Variants in SACS observed in about 807,000 individuals in gnomAD.
SACS encodes the protein sacsin molecular chaperone, also known as sacsin.
SACS carries 197 observed loss-of-function variants against 348.0 expected under a neutral mutation model. That is an observed-to-expected ratio of 0.57 (90% CI 0.50 to 0.64). The LOEUF is 0.64. SACS is among the 30% of genes least tolerant of loss of function. The pLI is 0.00. For missense variants in SACS, 4,999 were observed against 5,360.8 expected, an observed-to-expected ratio of 0.93 and a Z score of 2.11; for synonymous variants, 1,985 against 1,910.6, an observed-to-expected ratio of 1.04 and a Z score of -1.02.
intron 2 of SACS, among the ~76,000 whole-genome samples, chr13:23,410,907 G>T (rs1303213489): frequency 1.3e-5 from 2 of 152,050 alleles, no homozygotes; most frequent in Non-Finnish European, 2.9e-5. Context: ...CAATCATATG[G>T]CAGTGAGAGG....
At position 23,340,520 on chromosome 13, in the gene SACS, G is replaced by A; in HGVS notation, c.3356C>T (p.Pro1119Leu). ...KIEALQVGACPDQDVLLKKAK... is the reference protein window; with the variant it reads ...KIEALQVGACLDQDVLLKKAK... Reference sequence around the variant, plus strand: ...TTTCTTCAGAAGAACATCTTGATCAGGACAAGCACCGACCTGTAAGGCTTC... The same window carrying A: ...TTTCTTCAGAAGAACATCTTGATCAAGACAAGCACCGACCTGTAAGGCTTC... The change falls in exon 10 of 10, where the codon CCT (proline) becomes CTT (leucine). Residue 1119 changes from proline (P) to leucine (L), a missense_variant. Transcript: ENST00000382292. The A allele has an allele frequency of 6.2e-7, 1 of 1,612,222 alleles. No individual in the cohort carries two copies.
At chr13:23,410,584 C>T (rs1224104893) in intron 2 of SACS, among the ~76,000 whole-genome samples, 1 of 151,816 alleles carries the variant, frequency 6.6e-6, no homozygotes, top group East Asian at 1.9e-4. Context: ...AATGTAATAT[C>T]GAAATACAGC....
At chr13:23,354,417 C>T (rs1436439802) in intron 8 of SACS, 102 bp downstream of exon 8, 1 of 976,730 alleles carries the variant, frequency 1.0e-6, no homozygotes, top group Non-Finnish European at 1.6e-6. Context: ...ACTATAAAAT[C>T]GACATAGAAA....
At chr13:23,386,744 T>C (rs943806552) in intron 2 of SACS, among the ~76,000 whole-genome samples, 1 of 152,168 alleles carries the variant, frequency 6.6e-6, no homozygotes, top group African/African-American at 2.4e-5. Flanking sequence ...ATTTCTAGCT[T>C]TTGATTTCAG....
chr13:23,343,566 TC>T (rs1869409009), intron 9 of SACS, among the ~76,000 whole-genome samples: 1 of 152,078 alleles, frequency 6.6e-6, no homozygotes, highest in Admixed American at 6.5e-5. Flanking sequence ...GCACCTGTAG[TC>T]CCAGCTACTC....
chr13:23,390,841 G>A (rs770196419), intron 2 of SACS, among the ~76,000 whole-genome samples: 22 of 152,208 alleles, frequency 1.4e-4, no homozygotes, highest in African/African-American at 4.6e-4. Flanking sequence ...AGTAGCGAGC[G>A]TGTTCATGTG....
chr13:23,343,560 C>A (rs113992678), intron 9 of SACS, among the ~76,000 whole-genome samples: 27,110 of 152,114 alleles, frequency 0.18, 2,664 homozygotes, highest in East Asian at 0.33. Flanking sequence ...TGGCAGGCAC[C>A]TGTAGTCCCA....
intron 1 of SACS, among the ~76,000 whole-genome samples, chr13:23,422,754 G>T (rs892420303): frequency 4.0e-5 from 6 of 151,818 alleles, no homozygotes; most frequent in African/African-American, 1.2e-4. Context: ...TGCCTCCTGG[G>T]TTCACGCCAT....
Position 23,336,825 on chromosome 13 carries a change from TCTCAAC to T in SACS, c.7045_7050del (p.Val2349_Glu2350del). 6.2e-7 allele frequency: 1 copy of T among 1,613,790 alleles called. No homozygotes were observed. Among genetic ancestry groups the T allele is most frequent in the Non-Finnish European group, 8.5e-7 (1 of 1,179,750 alleles). ...ACCTTTTCTGAGTCAACATATGCATTCTCAACTAGAATGAAGCTAAAGGGTTTTAAC... is the reference window on the plus strand; with the variant it reads ...ACCTTTTCTGAGTCAACATATGCATTTAGAATGAAGCTAAAGGGTTTTAAC... On this transcript the variant is annotated inframe_deletion, in exon 10 of 10. Transcript: ENST00000382292.
chr13:23,409,121 C>T (rs1321739099), intron 2 of SACS, among the ~76,000 whole-genome samples: 8 of 107,666 alleles, frequency 7.4e-5, no homozygotes, highest in African/African-American at 2.2e-4. Context: ...GGTGCGATTT[C>T]GGCTCACTGA....
At chr13:23,366,355 G>A (rs1388860331) in intron 5 of SACS, among the ~76,000 whole-genome samples, 2 of 152,168 alleles carry the variant, frequency 1.3e-5, no homozygotes, top group East Asian at 3.9e-4. Flanking sequence ...CCCACCAGCT[G>A]TTCCACCCCA....
intron 6 of SACS, among the ~76,000 whole-genome samples, chr13:23,359,054 C>T (rs535739503): frequency 1.3e-5 from 2 of 151,932 alleles, no homozygotes; most frequent in Admixed American, 6.6e-5. Flanking sequence ...TGGTGGCACG[C>T]GCCTGTAATC....
At chr13:23,351,686 T>C (rs1309859780) in intron 9 of SACS, among the ~76,000 whole-genome samples, 1 of 152,146 alleles carries the variant, frequency 6.6e-6, no homozygotes, top group Non-Finnish European at 1.5e-5. Context: ...CTAATACAGC[T>C]AGTTATGAGG....
At position 23,330,114 on chromosome 13, in the gene SACS, CCTT is replaced by C. The variant is rs1262485832; in HGVS notation, c.*19_*21del. 6.2e-7 allele frequency: 1 copy of C among 1,602,106 alleles called. No homozygotes were observed. The highest frequency in any genetic ancestry group is 8.5e-7 in the Non-Finnish European group (1 of 1,170,088). On this transcript the variant is annotated 3_prime_UTR_variant, in exon 10 of 10. Transcript: ENST00000382292. The stretch of plus-strand genomic sequence containing the variant: ...CGTGCTACAACACATTCAAGATCTA[CCTT>C]TTTTTTCGTTAAATATCTTCACACT...
At position 23,333,588 on chromosome 13, in the gene SACS, A is replaced by T. The variant is rs1384770209; in HGVS notation, c.10288T>A (p.Tyr3430Asn). Residue 3430 changes from tyrosine to asparagine, a missense_variant, in exon 10 of 10, where the codon TAC (tyrosine) becomes AAC (asparagine). Tyr to Asn is a moderately radical substitution (Grantham distance 143). Coordinates refer to ENST00000382292, the MANE Select transcript of SACS (RefSeq NM_014363.6). Reference sequence around the variant, plus strand: ...GAAGGGATACTTTTTGTAAGTACGTAGCATGTTCCAAATTTTCCAATGCTT... The same window carrying T: ...GAAGGGATACTTTTTGTAAGTACGTTGCATGTTCCAAATTTTCCAATGCTT... ...YVSIGKFGTC[Y>N]VLTKSIPSAE... 1 of 1,613,666 alleles carries T rather than the reference A, an allele frequency of 6.2e-7. No homozygotes were observed. The highest frequency in any genetic ancestry group is 8.5e-7 in the Non-Finnish European group (1 of 1,179,758).
Position 23,341,569 on chromosome 13 carries a change from T to G in SACS, c.2307A>C (p.Glu769Asp). 1 of 1,614,092 alleles carries G rather than the reference T, an allele frequency of 6.2e-7. No individual in the cohort carries two copies. The highest frequency in any genetic ancestry group is 8.5e-7 in the Non-Finnish European group (1 of 1,180,002). Residue 769 changes from glutamate (E) to aspartate (D), a missense_variant, in exon 10 of 10, where the codon GAA becomes GAC. Glu to Asp is a conservative substitution (Grantham distance 45). This residue lies in a region of SACS where 3,156 missense variants were observed against 3,380.1 expected (regional missense o/e 0.93). Transcript: ENST00000382292. ...ATGAAACAGATGGGTGATTTCTGTTTTCATCAAATGGATACCATTGAACAA... is the reference window on the plus strand; with the variant it reads ...ATGAAACAGATGGGTGATTTCTGTTGTCATCAAATGGATACCATTGAACAA... ...ELIVQWYPFD[E>D]NRNHPSVSWL...
Position 23,334,918 on chromosome 13 carries a change from G to A in SACS, c.8958C>T (p.His2986=), listed in dbSNP as rs758029668. ...CLVKALYNCI[H]EDMKRLLPVV... ...CAGGTAAAAGACGTTTCATGTCTTCGTGAATGCAATTGTAAAGTGCTTTCA... is the reference window on the plus strand; with the variant it reads ...CAGGTAAAAGACGTTTCATGTCTTCATGAATGCAATTGTAAAGTGCTTTCA... The change falls in exon 10 of 10, where the codon CAC becomes CAT. Residue 2986 remains histidine, a synonymous_variant. Transcript: ENST00000382292. 6.4e-5 allele frequency: 103 copies of A among 1,613,644 alleles called. No individual in the cohort carries two copies. The highest frequency in any genetic ancestry group is 5.5e-4 in the South Asian group (50 of 91,070).
chr13:23,375,423 C>T lies in SACS; in HGVS notation c.21-154G>A, dbSNP rs919597464. On this transcript the variant is annotated intron_variant, in intron 2 of 9. Coordinates refer to ENST00000382292, the MANE Select transcript of SACS (RefSeq NM_014363.6). ...ACGCCGGCGCCCGATCACGGCCGGCCCTACCGCGTCCACAGGCCCCGCGCG... is the reference window on the plus strand; with the variant it reads ...ACGCCGGCGCCCGATCACGGCCGGCTCTACCGCGTCCACAGGCCCCGCGCG... The T allele has an allele frequency of 4.1e-6, 5 of 1,205,896 alleles. No individual in the cohort carries two copies. The African/African-American group carries it at 7.9e-5, about 19-fold the overall frequency. 74.7% of individuals were successfully genotyped at this position (1,205,896 alleles called of 1,614,324 possible).
At position 23,341,450 on chromosome 13, in the gene SACS, T is replaced by G. The variant is rs189811818; in HGVS notation, c.2426A>C (p.Glu809Ala). The stretch of plus-strand genomic sequence containing the variant: ...GAGTTCCACACATGTCTGACCTTCC[T>G]CTAGTATAGTTCTGGGGATAAGTGG... ...EMPLIPRTIL[E>A]EGQTCVELIR... Residue 809 changes from glutamate (E) to alanine (A), a missense_variant, in exon 10 of 10, where the codon GAG becomes GCG. Transcript: ENST00000382292. The G allele has an allele frequency of 1.2e-6, 2 of 1,614,056 alleles. No homozygotes were observed. Among genetic ancestry groups the G allele is most frequent in the East Asian group, 4.5e-5 (2 of 44,874 alleles).
Sources: allele counts gnomAD v4.1 joint callset (sites outside exome capture counted in the v4.1 genomes callset), GRCh38; gene constraint gnomAD v4.1.1; regional missense constraint gnomAD v4.1.1; transcripts MANE v1.5; gene names NCBI Gene and HGNC (gene_info 2026-07-23, HGNC 2026-07-21).